ATRNL1: variants seen among roughly 807,000 people sequenced by gnomAD.
The protein encoded by ATRNL1 is attractin like 1, also known as attractin-like protein 1.
In ATRNL1, 95 loss-of-function variants were observed where a neutral mutation model predicts 182.7. The observed-to-expected ratio is 0.52, with a 90% CI of 0.44 to 0.62. The LOEUF is 0.62. Ranked by LOEUF, ATRNL1 falls within the 20% of genes least tolerant of loss-of-function variation. ATRNL1 has a pLI of 0.00. For missense variants in ATRNL1, 1,471 were observed against 1,679.5 expected (o/e 0.88, Z 2.17); for synonymous variants, 576 against 568.3 (o/e 1.01, Z -0.19).
At chr10:115,755,754 C>T (rs1341831884) in intron 27 of ATRNL1, among the ~76,000 whole-genome samples, 1 of 152,070 alleles carries the variant, frequency 6.6e-6, no homozygotes, top group Admixed American at 6.6e-5. Flanking sequence ...GTACCAGCTC[C>T]TCTTTGTACC....
intron 23 of ATRNL1, among the ~76,000 whole-genome samples, chr10:115,468,619 A>C (rs1592701954): frequency 6.6e-6 from 1 of 151,038 alleles, no homozygotes; most frequent in East Asian, 1.9e-4. Context: ...CTCATGTTTT[A>C]AATTGTGGCC....
At chr10:115,610,368 G>T (rs1157929312) in intron 26 of ATRNL1, among the ~76,000 whole-genome samples, 1 of 152,110 alleles carries the variant, frequency 6.6e-6, no homozygotes, top group Admixed American at 6.6e-5. Flanking sequence ...GTTTTGCATT[G>T]TAGACTGTCT....
At chr10:115,528,036 T>TCCC (rs1554987164) in intron 25 of ATRNL1, among the ~76,000 whole-genome samples, 1 of 53,904 alleles carries the variant, frequency 1.9e-5, no homozygotes, top group Non-Finnish European at 4.1e-5. Context: ...CCTCCTTCCT[T>TCCC]TCTTCCTTCC....
chr10:115,690,853 G>T (rs1470925387), intron 26 of ATRNL1, among the ~76,000 whole-genome samples: 1 of 152,120 alleles, frequency 6.6e-6, no homozygotes, highest in Non-Finnish European at 1.5e-5. Context: ...CCCTATGCTA[G>T]CGTCAGGGTT....
intron 26 of ATRNL1, among the ~76,000 whole-genome samples, chr10:115,691,182 C>A (rs782156193): frequency 3.9e-5 from 6 of 152,124 alleles, no homozygotes; most frequent in Non-Finnish European, 5.9e-5. Context: ...TTATTTTTAA[C>A]CTTCAGGAAC....
chr10:115,179,685 T>A lies in ATRNL1; in HGVS notation c.1348+8393T>A, dbSNP rs552143035. On this transcript the variant is annotated intron_variant, in intron 8 of 28. Transcript: ENST00000355044. ...CTTCATATGTTCTTATTCTGGAAGT[T>A]GAGAGGAAGAAGTGTCTTGTGGGAG... is the stretch of plus-strand genomic sequence containing the variant. Among the ~76,000 whole-genome samples, 7 of 152,254 alleles carry A rather than the reference T, an allele frequency of 4.6e-5. No homozygotes were observed. The South Asian group carries it at 6.2e-4, about 14-fold the overall frequency.
chr10:115,409,398 T>C (rs1845021854), intron 20 of ATRNL1, among the ~76,000 whole-genome samples: 1 of 152,208 alleles, frequency 6.6e-6, no homozygotes, highest in South Asian at 2.1e-4. Flanking sequence ...TACTGATTTT[T>C]TAATGTTGAT....
chr10:115,688,453 C>T lies in ATRNL1; in HGVS notation c.3796-38795C>T, dbSNP rs186996242. 5.9e-5 allele frequency among the ~76,000 whole-genome samples: 9 copies of T among 152,240 alleles called. No individual in the cohort carries two copies. The East Asian group carries it at 1.5e-3, about 26-fold the overall frequency. On this transcript the variant is annotated intron_variant, in intron 26 of 28. Transcript: ENST00000355044. ...CAACAACATATGAGTTACCTGTTCT[C>T]TGCATCCTCACCAGAATCTGTTATT... is the stretch of plus-strand genomic sequence containing the variant.
At chr10:115,789,914 A>T (rs1565380868) in intron 27 of ATRNL1, among the ~76,000 whole-genome samples, 1 of 152,030 alleles carries the variant, frequency 6.6e-6, no homozygotes. Flanking sequence ...CCAAGAGGTT[A>T]TTTTTTTTAA....
At chr10:115,738,321 G>A (rs1555066727) in intron 27 of ATRNL1, among the ~76,000 whole-genome samples, 8 of 151,144 alleles carry the variant, frequency 5.3e-5, no homozygotes, top group Non-Finnish European at 1.2e-4. Context: ...TATATGTTTA[G>A]TAGAGACAGG....
At chr10:115,344,565 C>T (rs1166957162) in intron 19 of ATRNL1, among the ~76,000 whole-genome samples, 1 of 152,124 alleles carries the variant, frequency 6.6e-6, no homozygotes, top group Non-Finnish European at 1.5e-5. Context: ...TTCAGAAGTG[C>T]CATCCAAGAG....
chr10:115,588,179 C>T (rs782241560), intron 26 of ATRNL1, among the ~76,000 whole-genome samples: 1 of 152,094 alleles, frequency 6.6e-6, no homozygotes, highest in Non-Finnish European at 1.5e-5. Context: ...CAGTTTGGCT[C>T]TCCGGAATCA....
intron 27 of ATRNL1, among the ~76,000 whole-genome samples, chr10:115,749,826 G>T (rs1387964359): frequency 2.0e-5 from 3 of 151,828 alleles, no homozygotes; most frequent in Admixed American, 1.3e-4. Context: ...TTCAGTTCCA[G>T]TTCTACTTTT....
At chr10:115,677,342 G>C (rs1555043365) in intron 26 of ATRNL1, among the ~76,000 whole-genome samples, 1 of 152,024 alleles carries the variant, frequency 6.6e-6, no homozygotes, top group Non-Finnish European at 1.5e-5. Context: ...GCATGGAACT[G>C]TCCAGAAGTT....
chr10:115,672,773 T>G (rs2532727), intron 26 of ATRNL1, among the ~76,000 whole-genome samples: 1 of 152,068 alleles, frequency 6.6e-6, no homozygotes, highest in South Asian at 2.1e-4. Flanking sequence ...AATTATTTTT[T>G]ATCTCATGTT....
In ATRNL1 at chr10:115,171,140, C is replaced by T; in HGVS notation, c.1196C>T (p.Thr399Ile). ...NIHSQSWSTK[T>I]PTVLGHGQQY... Reference sequence around the variant, plus strand: ...CATAGTCAGTCATGGAGTACAAAAACTCCTACTGTTCTTGGACATGGTCAG... The same window carrying T: ...CATAGTCAGTCATGGAGTACAAAAATTCCTACTGTTCTTGGACATGGTCAG... The change falls in exon 8 of 29, where the codon ACT (threonine) becomes ATT (isoleucine). Residue 399 changes from threonine (T) to isoleucine (I), a missense_variant. Coordinates refer to ENST00000355044, the MANE Select transcript of ATRNL1 (RefSeq NM_207303.4). 1.2e-6 allele frequency: 2 copies of T among 1,611,278 alleles called. No individual in the cohort carries two copies.
chr10:115,924,141 G>C (rs1267531216), intron 28 of ATRNL1, among the ~76,000 whole-genome samples: 1 of 152,106 alleles, frequency 6.6e-6, no homozygotes, highest in Non-Finnish European at 1.5e-5. Context: ...GTAAAATCTG[G>C]ATATTAGACC....
At chr10:115,408,733 C>T (rs2060181739) in intron 20 of ATRNL1, among the ~76,000 whole-genome samples, 3 of 151,782 alleles carry the variant, frequency 2.0e-5, no homozygotes, top group South Asian at 4.2e-4. Flanking sequence ...TCCATTTTTC[C>T]GTTGTTTTTT....
chr10:115,333,544 C>CACGAT (rs1330476501), intron 18 of ATRNL1, among the ~76,000 whole-genome samples: 1 of 147,978 alleles, frequency 6.8e-6, no homozygotes, highest in Non-Finnish European at 1.5e-5. Context: ...AGTGCACTGG[C>CACGAT]ACGATCTCGG....
Sources: allele counts gnomAD v4.1 joint callset (sites outside exome capture counted in the v4.1 genomes callset), GRCh38; gene constraint gnomAD v4.1.1; transcripts MANE v1.5; gene names NCBI Gene and HGNC (gene_info 2026-07-23, HGNC 2026-07-21).